The following PKD1L1 variants were observed in gnomAD, a reference collection of about 807,000 sequenced individuals.
PKD1L1 encodes the protein polycystin-1-like protein 1.
A neutral mutation model predicts 323.4 loss-of-function variants in PKD1L1; 236 were observed. The observed-to-expected ratio is 0.73, with a 90% CI of 0.66 to 0.81. PKD1L1 has a LOEUF of 0.81. Among genes scored for constraint, PKD1L1 ranks in the 40% least tolerant of loss-of-function variants. PKD1L1 has a pLI of 0.00. For missense variants in PKD1L1, 3,320 were observed against 3,508.0 expected, an observed-to-expected ratio of 0.95 and a Z score of 1.35; for synonymous variants, 1,344 against 1,335.0, an observed-to-expected ratio of 1.01 and a Z score of -0.15.
chr7:47,954,531 C>A, the PKD1L1 span, among the ~76,000 whole-genome samples: 2 of 152,132 alleles, frequency 1.3e-5, no homozygotes, highest in Non-Finnish European at 1.5e-5. Flanking sequence ...TGCCAGGGGA[C>A]AATACAGCAA....
intron 23 of PKD1L1, among the ~76,000 whole-genome samples, chr7:47,875,711 C>T (rs750253321): frequency 9.2e-5 from 14 of 152,142 alleles, no homozygotes; most frequent in Non-Finnish European, 1.8e-4. Context: ...TTCATTTACC[C>T]CACATTTTGT....
intron 46 of PKD1L1, chr7:47,818,083 A>G (rs759070213): frequency 7.3e-7 from 1 of 1,367,902 alleles, no homozygotes; most frequent in Non-Finnish European, 9.8e-7. Context: ...TTGTCAAACT[A>G]TCAAATGCAG....
At position 47,813,987 on chromosome 7, in the gene PKD1L1, G is replaced by A. The variant is rs748327250; in HGVS notation, c.7117C>T (p.Leu2373=). 7 of 1,614,044 alleles carry A rather than the reference G, an allele frequency of 4.3e-6. No homozygotes were observed. The Admixed American group carries it at 8.3e-5, about 19-fold the overall frequency. The change falls in exon 48 of 57, where the codon CTA becomes TTA. Residue 2373 remains leucine, a synonymous_variant. Coordinates refer to ENST00000289672, the MANE Select transcript of PKD1L1 (RefSeq NM_138295.5). ...TGCCTAATTACGGAACTGCCTATTA[G>A]GTAGCATTTTCCTCCAAGAGCTCCA... ...QPGALGGKCY[L]IGSSVIRQLK...
intron 17 of PKD1L1, among the ~76,000 whole-genome samples, chr7:47,886,568 C>G (rs183876460): frequency 2.0e-5 from 3 of 152,106 alleles, no homozygotes; most frequent in African/African-American, 4.8e-5. Flanking sequence ...GTGCCCTCCT[C>G]GCTGTAATGA....
the PKD1L1 span, among the ~76,000 whole-genome samples, chr7:47,960,059 A>T: frequency 6.6e-5 from 10 of 151,626 alleles, no homozygotes; most frequent in Non-Finnish European, 1.5e-4. Context: ...CCTGTTGATC[A>T]GTGACCCTAT....
At position 47,904,392 on chromosome 7, in the gene PKD1L1, G is replaced by A; in HGVS notation, c.1917C>T (p.Ser639=). The change falls in exon 12 of 57, where the codon AGC becomes AGT. Residue 639 remains serine, a synonymous_variant. Coordinates refer to ENST00000289672, the MANE Select transcript of PKD1L1 (RefSeq NM_138295.5). ...GTVSLGSSSS[S]HVYSREGEFT... The stretch of plus-strand genomic sequence containing the variant: ...CAGTGGCTCACCTACTGTAGACATG[G>A]CTGCTGGAGCTGCTCCCCAGGCTGA... 1 of 1,614,054 alleles carries A rather than the reference G, an allele frequency of 6.2e-7. No individual in the cohort carries two copies. The highest frequency in any genetic ancestry group is 8.5e-7 in the Non-Finnish European group (1 of 1,180,018).
chr7:47,887,755 A>G (rs1786714984), intron 17 of PKD1L1, among the ~76,000 whole-genome samples: 1 of 152,158 alleles, frequency 6.6e-6, no homozygotes, highest in African/African-American at 2.4e-5. Flanking sequence ...GCAGCCTTCC[A>G]TATCACACTG....
chr7:47,855,494 A>G (rs1047085905), intron 28 of PKD1L1, among the ~76,000 whole-genome samples: 1 of 152,234 alleles, frequency 6.6e-6, no homozygotes, highest in Non-Finnish European at 1.5e-5. Context: ...AATAATTTCT[A>G]AAGTATTTTG....
At chr7:47,932,484 G>A (rs1357880740) in intron 4 of PKD1L1, among the ~76,000 whole-genome samples, 4 of 152,242 alleles carry the variant, frequency 2.6e-5, no homozygotes, top group Non-Finnish European at 4.4e-5. Context: ...TCCGAGTGCA[G>A]TCAAACCTGG....
intron 1 of PKD1L1, among the ~76,000 whole-genome samples, chr7:47,947,876 AT>A (rs1788132652): frequency 6.6e-6 from 1 of 152,138 alleles, no homozygotes; most frequent in East Asian, 1.9e-4. Context: ...CTGAGGCAGG[AT>A]AAATGGCATG....
Position 47,843,063 on chromosome 7 carries a change from CT to C in PKD1L1, c.5343del (p.Ala1782LeufsTer31). 6.2e-7 allele frequency: 1 copy of C among 1,613,990 alleles called. No individual in the cohort carries two copies. The highest frequency in any genetic ancestry group is 8.5e-7 in the Non-Finnish European group (1 of 1,179,922). On this transcript the variant is annotated frameshift_variant, in exon 34 of 57. Coordinates refer to ENST00000289672, the MANE Select transcript of PKD1L1 (RefSeq NM_138295.5). LOFTEE classifies it high-confidence loss of function. ...SRQVDHHEKKKAGYIFLQEAS... is the reference protein window; with the variant it reads ...SRQVDHHEKKXAGYIFLQEAS... ...GCTTCTTGCAGAAAGATGTAACCAGCTTTCTTTTTTTCATGATGATCTACTT... is the reference window on the plus strand; with the variant it reads ...GCTTCTTGCAGAAAGATGTAACCAGCTTCTTTTTTTCATGATGATCTACTT...
chr7:47,889,449 G>A (rs1786759562), intron 16 of PKD1L1, among the ~76,000 whole-genome samples: 1 of 152,144 alleles, frequency 6.6e-6, no homozygotes, highest in African/African-American at 2.4e-5. Context: ...CATATCCAGA[G>A]CCTCAAATAA....
rs987825668 is a variant in PKD1L1 at position 47,908,126 on chromosome 7, G to C, written c.1353C>G (p.Val451=). The change falls in exon 9 of 57, where the codon GTC becomes GTG. Residue 451 remains valine (V), a synonymous_variant. Coordinates refer to ENST00000289672, the MANE Select transcript of PKD1L1 (RefSeq NM_138295.5). ...AVSAFMNSSS[V]HEDEVLVFAD... ...CAAAGACAAGCACTTCATCTTCATG[G>C]ACACTGCTGGAGTTCATGAACGCAG... 4 of 1,614,018 alleles carry C rather than the reference G, an allele frequency of 2.5e-6. No individual in the cohort carries two copies. The highest frequency in any genetic ancestry group is 3.4e-6 in the Non-Finnish European group (4 of 1,180,040).
chr7:47,943,425 C>G lies in PKD1L1; in HGVS notation c.131G>C (p.Cys44Ser). The change falls in exon 2 of 57, where the codon TGT (cysteine) becomes TCT (serine). Residue 44 changes from cysteine to serine, a missense_variant. Coordinates refer to ENST00000289672, the MANE Select transcript of PKD1L1 (RefSeq NM_138295.5). ...CCACAATCCACCTCCAGGAGGGCTACAGCTGCACAGATGAAGACCCCAGCT... is the reference window on the plus strand; with the variant it reads ...CCACAATCCACCTCCAGGAGGGCTAGAGCTGCACAGATGAAGACCCCAGCT... ...DKSWGLHLCSCSPPGGGLWVE... is the reference protein window; with the variant it reads ...DKSWGLHLCSSSPPGGGLWVE... The G allele has an allele frequency of 6.2e-7, 1 of 1,613,572 alleles. No homozygotes were observed. The highest frequency in any genetic ancestry group is 8.5e-7 in the Non-Finnish European group (1 of 1,179,672).
chr7:47,822,607 A>AC (rs1554398430), intron 45 of PKD1L1, among the ~76,000 whole-genome samples: 6 of 151,218 alleles, frequency 4.0e-5, no homozygotes, highest in African/African-American at 1.5e-4. Flanking sequence ...AAAAAAAAAA[A>AC]AAAAAAAAAA....
chr7:47,953,639 A>G, the PKD1L1 span, among the ~76,000 whole-genome samples: 5 of 152,184 alleles, frequency 3.3e-5, no homozygotes, highest in Non-Finnish European at 5.9e-5. Flanking sequence ...TAAGAATCAC[A>G]CTGGGCATTT....
chr7:47,943,474 C>T lies in PKD1L1; in HGVS notation c.82G>A (p.Glu28Lys). The change falls in exon 2 of 57, where the codon GAG (glutamate) becomes AAG (lysine). Residue 28 changes from glutamate (E) to lysine (K), a missense_variant. Coordinates refer to ENST00000289672, the MANE Select transcript of PKD1L1 (RefSeq NM_138295.5). ...CTCTTGTCAGTGCTCACAGACAGCT[C>T]ACCACCAAAGGAAAGGCAGCAGGCA... ...QAACCLSFGG[E>K]LSVSTDKSWG... The T allele has an allele frequency of 5.0e-6, 8 of 1,613,356 alleles. No homozygotes were observed. The highest frequency in any genetic ancestry group is 6.8e-6 in the Non-Finnish European group (8 of 1,179,536).
intron 3 of PKD1L1, 25 bp downstream of exon 3, chr7:47,940,168 C>T (rs1563000096): frequency 1.9e-6 from 3 of 1,613,826 alleles, no homozygotes; most frequent in African/African-American, 1.3e-5. Context: ...GAAGAAAAGC[C>T]TAATTTCCCC....
intron 40 of PKD1L1, 34 bp from the exon 41 acceptor site, chr7:47,833,286 T>C: frequency 6.9e-6 from 11 of 1,601,768 alleles, no homozygotes; most frequent in African/African-American, 1.3e-5. Flanking sequence ...GGTTAATATC[T>C]CCACAGACAG....
Sources: gnomAD v4.1 joint callset for allele counts (sites outside exome capture counted in the v4.1 genomes callset) on GRCh38, gnomAD v4.1.1 for gene constraint, MANE v1.5 for transcripts, NCBI Gene and HGNC (gene_info 2026-07-23, HGNC 2026-07-21) for gene names.